The following SLC24A3 variants were observed in gnomAD, a reference collection of about 807,000 sequenced individuals.
SLC24A3 encodes the protein sodium/potassium/calcium exchanger 3.
A neutral mutation model predicts 75.8 loss-of-function variants in SLC24A3; 28 were observed. That is an observed-to-expected ratio of 0.37 (90% CI 0.27 to 0.51). The LOEUF is 0.51. Among genes scored for constraint, SLC24A3 ranks in the 20% least tolerant of loss-of-function variants. SLC24A3 has a pLI of 0.94. For missense variants in SLC24A3, 663 were observed against 847.8 expected, an observed-to-expected ratio of 0.78 and a Z score of 2.71; for synonymous variants, 372 against 334.1, an observed-to-expected ratio of 1.11 and a Z score of -1.24.
chr20:19,460,686 T>A (rs1987655819), intron 2 of SLC24A3, among the ~76,000 whole-genome samples: 1 of 152,136 alleles, frequency 6.6e-6, no homozygotes, highest in South Asian at 2.1e-4. Context: ...CTCCGGGGTG[T>A]TTATGGTGGA....
chr20:19,693,023 G>A (rs142071116), intron 12 of SLC24A3, among the ~76,000 whole-genome samples: 25 of 152,012 alleles, frequency 1.6e-4, no homozygotes, highest in Middle Eastern at 6.8e-3. Context: ...CTCTCATTTC[G>A]GAGACCTAAT....
intron 11 of SLC24A3, 50 bp from the exon 12 acceptor site, chr20:19,685,050 G>T (rs1171524523): frequency 6.5e-7 from 1 of 1,546,954 alleles, no homozygotes; most frequent in African/African-American, 1.4e-5. Context: ...TGAGTGTAAG[G>T]TATTTGCAAT....
At chr20:19,567,551 G>T (rs748544341) in intron 3 of SLC24A3, among the ~76,000 whole-genome samples, 3 of 152,132 alleles carry the variant, frequency 2.0e-5, no homozygotes, top group East Asian at 1.9e-4. Flanking sequence ...CTACCTATCA[G>T]GTACTATGCT....
chr20:19,410,327 G>C (rs1325177189), intron 2 of SLC24A3, among the ~76,000 whole-genome samples: 1 of 152,126 alleles, frequency 6.6e-6, no homozygotes, highest in African/African-American at 2.4e-5. Context: ...CCAGCGTGCG[G>C]TCATGGCCTC....
At chr20:19,477,404 C>A (rs1039430948) in intron 2 of SLC24A3, among the ~76,000 whole-genome samples, 1 of 152,184 alleles carries the variant, frequency 6.6e-6, no homozygotes, top group Non-Finnish European at 1.5e-5. Flanking sequence ...ACTGGTAGAA[C>A]CTGCAGGGAG....
intron 12 of SLC24A3, among the ~76,000 whole-genome samples, chr20:19,689,241 C>T (rs1001213207): frequency 2.0e-5 from 3 of 152,154 alleles, no homozygotes; most frequent in Non-Finnish European, 4.4e-5. Context: ...CCGATATTAT[C>T]GGAACAAATG....
chr20:19,586,564 C>A (rs746161183), intron 6 of SLC24A3, among the ~76,000 whole-genome samples: 1 of 152,160 alleles, frequency 6.6e-6, no homozygotes, highest in African/African-American at 2.4e-5. Context: ...CCCACAGCAG[C>A]GGCAAGGGGC....
intron 2 of SLC24A3, among the ~76,000 whole-genome samples, chr20:19,314,468 C>A (rs1402171672): frequency 6.6e-6 from 1 of 151,932 alleles, no homozygotes; most frequent in Non-Finnish European, 1.5e-5. Flanking sequence ...GCATGCACCA[C>A]CATACCTGGC....
intron 2 of SLC24A3, among the ~76,000 whole-genome samples, chr20:19,306,675 G>A (rs547163299): frequency 2.6e-5 from 4 of 152,028 alleles, no homozygotes; most frequent in African/African-American, 9.6e-5. Flanking sequence ...ATAAAGATGG[G>A]AACAATAGAC....
At chr20:19,229,533 C>T (rs972332364) in intron 1 of SLC24A3, among the ~76,000 whole-genome samples, 3 of 151,874 alleles carry the variant, frequency 2.0e-5, no homozygotes, top group Admixed American at 6.6e-5. Context: ...TTCAAATAGT[C>T]TTGTAATTAT....
At chr20:19,710,994 C>G (rs900933255) in intron 15 of SLC24A3, among the ~76,000 whole-genome samples, 8 of 150,262 alleles carry the variant, frequency 5.3e-5, no homozygotes, top group African/African-American at 1.7e-4. Flanking sequence ...CACTCTTGCC[C>G]TTTGCTATGC....
chr20:19,300,677 G>A (rs1436400479), intron 2 of SLC24A3, among the ~76,000 whole-genome samples: 1 of 152,096 alleles, frequency 6.6e-6, no homozygotes, highest in East Asian at 1.9e-4. Flanking sequence ...CCTTCCTTCG[G>A]TGCGATGACT....
At chr20:19,349,641 T>C (rs1985521520) in intron 2 of SLC24A3, among the ~76,000 whole-genome samples, 1 of 152,166 alleles carries the variant, frequency 6.6e-6, no homozygotes, top group African/African-American at 2.4e-5. Flanking sequence ...TCTGTGTGGT[T>C]TTCTGGAGGC....
chr20:19,641,810 C>T (rs977361646), intron 6 of SLC24A3, among the ~76,000 whole-genome samples: 3 of 152,118 alleles, frequency 2.0e-5, no homozygotes, highest in African/African-American at 7.2e-5. Context: ...CAATGTACAG[C>T]CAAAGTTGAA....
At chr20:19,553,607 G>C (rs186759325) in intron 3 of SLC24A3, among the ~76,000 whole-genome samples, 1 of 152,258 alleles carries the variant, frequency 6.6e-6, no homozygotes, top group East Asian at 1.9e-4. Context: ...AGAATGACTG[G>C]TGAGGTGTGT....
intron 3 of SLC24A3, among the ~76,000 whole-genome samples, chr20:19,531,672 G>A (rs541178594): frequency 5.3e-5 from 8 of 152,298 alleles, no homozygotes; most frequent in Non-Finnish European, 1.2e-4. Context: ...GAAGTATTAC[G>A]AAGAGCTTTG....
At chr20:19,571,686 C>T (rs2031054986) in intron 3 of SLC24A3, among the ~76,000 whole-genome samples, 1 of 152,172 alleles carries the variant, frequency 6.6e-6, no homozygotes, top group Non-Finnish European at 1.5e-5. Context: ...GGTACATTCA[C>T]ATATGCTCGT....
chr20:19,325,015 G>C (rs954014054), intron 2 of SLC24A3, among the ~76,000 whole-genome samples: 5 of 142,600 alleles, frequency 3.5e-5, no homozygotes, highest in Admixed American at 7.0e-5. Context: ...GTAGATGGTA[G>C]AGCCTTTTTT....
At chr20:19,478,242 G>C (rs1336604611) in intron 2 of SLC24A3, among the ~76,000 whole-genome samples, 2 of 152,232 alleles carry the variant, frequency 1.3e-5, no homozygotes, top group Non-Finnish European at 2.9e-5. Flanking sequence ...GAGAAATGAA[G>C]TGCAGGCTCA....
Sources: allele counts gnomAD v4.1 joint callset (sites outside exome capture counted in the v4.1 genomes callset), GRCh38; gene constraint gnomAD v4.1.1; transcripts MANE v1.5; gene names NCBI Gene and HGNC (gene_info 2026-07-23, HGNC 2026-07-21).